The following SMG1 variants were observed in gnomAD, a reference collection of about 807,000 sequenced individuals.
SMG1 encodes serine/threonine-protein kinase SMG1.
In SMG1, 22 loss-of-function variants were observed where a neutral mutation model predicts 419.9. That is an observed-to-expected ratio of 0.05 (90% CI 0.04 to 0.07). SMG1 has a LOEUF of 0.07. Among genes scored for constraint, SMG1 ranks in the 10% least tolerant of loss-of-function variants. SMG1 has a pLI of 1.00. For missense variants in SMG1, 3,185 were observed against 4,342.0 expected (o/e 0.73, Z 7.49); for synonymous variants, 1,538 against 1,553.5 (o/e 0.99, Z 0.23).
intron 31 of SMG1, 27 bp from the exon 32 acceptor site, chr16:18,852,489 A>G: frequency 6.8e-7 from 1 of 1,467,722 alleles, no homozygotes; most frequent in Non-Finnish European, 9.1e-7. Flanking sequence ...AAAAATAATT[A>G]TAATAAAAGA....
At chr16:18,878,450 A>G (rs546460992) in intron 11 of SMG1, 2 of 152,152 alleles carry the variant, frequency 1.3e-5, no homozygotes, top group South Asian at 2.1e-4. Flanking sequence ...TCTCCAAAAA[A>G]TACAAAGGTT....
intron 29 of SMG1, among the ~76,000 whole-genome samples, chr16:18,855,607 A>G (rs770314183): frequency 2.3e-4 from 35 of 152,016 alleles, no homozygotes; most frequent in Non-Finnish European, 4.4e-4. Flanking sequence ...TCCCCTTCTC[A>G]AGGAAGGGCA....
At chr16:18,924,121 C>A (rs1306260320) in intron 1 of SMG1, among the ~76,000 whole-genome samples, 1 of 152,224 alleles carries the variant, frequency 6.6e-6, no homozygotes, top group Non-Finnish European at 1.5e-5. Flanking sequence ...ACAAAAAGCA[C>A]AGCTTCAAAG....
intron 25 of SMG1, among the ~76,000 whole-genome samples, chr16:18,863,370 A>G (rs1192478959): frequency 1.3e-5 from 2 of 152,244 alleles, no homozygotes; most frequent in Non-Finnish European, 2.9e-5. Flanking sequence ...ATTTTTCTTT[A>G]TATTCACTCT....
chr16:18,899,918 A>G (rs980404203), intron 1 of SMG1: 2 of 788,306 alleles, frequency 2.5e-6, no homozygotes, highest in East Asian at 2.6e-5. Context: ...AAATTTCCCC[A>G]CAACGATCAA....
chr16:18,830,374 A>T lies in SMG1; in HGVS notation c.8793-5T>A, dbSNP rs1368813099. The T allele has an allele frequency of 6.2e-7, 1 of 1,613,652 alleles. No individual in the cohort carries two copies. The highest frequency in any genetic ancestry group is 1.3e-5 in the African/African-American group (1 of 74,922). Reference sequence around the variant, plus strand: ...CCGTACTGAGCATGTAGTAGTCTACAGAAAAACAAAAGGAGTTAAAACCTT... The same window carrying T: ...CCGTACTGAGCATGTAGTAGTCTACTGAAAAACAAAAGGAGTTAAAACCTT... On this transcript the variant is annotated splice_polypyrimidine_tract_variant and splice_region_variant and intron_variant, in intron 51 of 62. Coordinates refer to ENST00000446231, the MANE Select transcript of SMG1 (RefSeq NM_015092.5).
At position 18,850,251 on chromosome 16, in the gene SMG1, G is replaced by A; in HGVS notation, c.5269C>T (p.Leu1757Phe). 6.2e-7 allele frequency: 1 copy of A among 1,610,648 alleles called. No individual in the cohort carries two copies. The highest frequency in any genetic ancestry group is 8.5e-7 in the Non-Finnish European group (1 of 1,177,900). The change falls in exon 34 of 63, where the codon CTC becomes TTC. Residue 1757 changes from leucine (L) to phenylalanine (F), a missense_variant. By Grantham distance (22) the Leu-to-Phe change is conservative. Around this residue, in one of 27 missense-constraint regions of SMG1, gnomAD observed 493 missense variants for 552.9 expected, o/e 0.89. Coordinates refer to ENST00000446231, the MANE Select transcript of SMG1 (RefSeq NM_015092.5). ...SCSAYFTFLK[L>F]NAGQIPLDED... is the part of the protein sequence containing the mutation. ...GTGCTACATACTTGACCAGCGTTGA[G>A]TTTAAGGAAAGTAAAGTATGCACTG... is the stretch of plus-strand genomic sequence containing the variant.
chr16:18,909,518 A>T (rs1261350851), intron 1 of SMG1, among the ~76,000 whole-genome samples: 1 of 152,126 alleles, frequency 6.6e-6, no homozygotes, highest in Non-Finnish European at 1.5e-5. Flanking sequence ...GTCTCTAAAG[A>T]AAAAAATCAT....
intron 35 of SMG1, 107 bp from the exon 36 acceptor site, chr16:18,849,485 T>C: frequency 9.1e-7 from 1 of 1,094,244 alleles, no homozygotes; most frequent in African/African-American, 1.6e-5. Context: ...TCGGCATTAG[T>C]ACGGATTTTA....
chr16:18,814,811 TA>T (rs2031840289), intron 60 of SMG1, among the ~76,000 whole-genome samples: 1 of 151,446 alleles, frequency 6.6e-6, no homozygotes, highest in Non-Finnish European at 1.5e-5. Flanking sequence ...CACCTGACCT[TA>T]GGTGATCCAC....
intron 58 of SMG1, 158 bp downstream of exon 58, chr16:18,816,144 T>C (rs2031982264): frequency 3.1e-6 from 2 of 639,574 alleles, no homozygotes; most frequent in Admixed American, 3.1e-5. Context: ...TAAAAAATAG[T>C]TGATGAAAAC....
chr16:18,877,265 CT>C, intron 11 of SMG1, 33 bp from the exon 12 acceptor site: 1 of 1,453,790 alleles, frequency 6.9e-7, no homozygotes, highest in Non-Finnish European at 9.2e-7. Flanking sequence ...AAATGAGCTT[CT>C]CCAATTACAA....
In SMG1 at chr16:18,829,772, T is replaced by A; in HGVS notation, c.9134-17A>T. 5 of 1,574,906 alleles carry A rather than the reference T, an allele frequency of 3.2e-6. No homozygotes were observed. Among genetic ancestry groups the A allele is most frequent in the Non-Finnish European group, 4.3e-6 (5 of 1,159,818 alleles). On this transcript the variant is annotated splice_polypyrimidine_tract_variant and intron_variant, in intron 53 of 62. Coordinates refer to ENST00000446231, the MANE Select transcript of SMG1 (RefSeq NM_015092.5). ...AACTTGATCCTACAAAAAGGAAAAA[T>A]TTCTTGTATTTCATGAAAAAAATCA...
Position 18,858,282 on chromosome 16 carries a change from A to G in SMG1, c.4122T>C (p.Leu1374=), listed in dbSNP as rs749123807. 1 of 1,588,358 alleles carries G rather than the reference A, an allele frequency of 6.3e-7. No homozygotes were observed. Among genetic ancestry groups the G allele is most frequent in the South Asian group, 1.2e-5 (1 of 85,728 alleles). ...GTAAAGCTTCACTGAAGAGTGGAAT[A>G]AGACAGTCCTGCCAGAGAAAAACCA... ...VSNRLSTEDC[L]IPLFSEALRS... is the part of the protein sequence containing the mutation. The change falls in exon 29 of 63, where the codon CTT becomes CTC. Residue 1374 remains leucine (L), a synonymous_variant. Transcript: ENST00000446231.
intron 55 of SMG1, 59 bp downstream of exon 55, chr16:18,827,972 A>G: frequency 6.5e-7 from 1 of 1,545,950 alleles, no homozygotes; most frequent in Non-Finnish European, 8.8e-7. Context: ...ACTAACAATC[A>G]TAGTATTGGT....
intron 12 of SMG1, among the ~76,000 whole-genome samples, chr16:18,876,669 T>G (rs1440391392): frequency 1.3e-5 from 2 of 150,524 alleles, no homozygotes; most frequent in Admixed American, 1.3e-4. Flanking sequence ...TGGCCGTTTT[T>G]TTTTTTTTTT....
chr16:18,893,854 A>C (rs1319052193), intron 3 of SMG1, among the ~76,000 whole-genome samples: 1 of 152,040 alleles, frequency 6.6e-6, no homozygotes, highest in Non-Finnish European at 1.5e-5. Flanking sequence ...TCAGGAGTTT[A>C]AGACCTGCCT....
intron 62 of SMG1, among the ~76,000 whole-genome samples, chr16:18,810,684 A>T (rs1410609551): frequency 1.3e-5 from 2 of 152,176 alleles, no homozygotes; most frequent in African/African-American, 4.8e-5. Flanking sequence ...ATAAGCAATA[A>T]AGGATATTTT....
chr16:18,919,140 G>C (rs1445710703), intron 1 of SMG1, among the ~76,000 whole-genome samples: 1 of 151,786 alleles, frequency 6.6e-6, no homozygotes, highest in Non-Finnish European at 1.5e-5. Flanking sequence ...CAGCCTGGTC[G>C]ACATGGTGAA....
Sources: allele counts gnomAD v4.1 joint callset (sites outside exome capture counted in the v4.1 genomes callset), GRCh38; gene constraint gnomAD v4.1.1; regional missense constraint gnomAD v4.1.1; transcripts MANE v1.5; gene names NCBI Gene and HGNC (gene_info 2026-07-23, HGNC 2026-07-21).